Variants in ZNF718 observed in about 807,000 individuals in gnomAD.
The protein encoded by ZNF718 is zinc finger protein 718.
A neutral mutation model predicts 2.6 loss-of-function variants in ZNF718; 3 were observed. The ratio of observed to expected loss-of-function variants is 1.16; its 90% CI spans 0.53 to 3.01. ZNF718 has a LOEUF of 3.01. Ranked by LOEUF, ZNF718 falls within the 30% of genes most tolerant of loss-of-function variation. ZNF718 has a pLI of 0.03. For synonymous variants in ZNF718, 135 were observed against 77.9 expected, an observed-to-expected ratio of 1.73 and a Z score of -3.86; for missense variants, 468 against 230.0, an observed-to-expected ratio of 2.03 and a Z score of -6.69.
chr4:126,040 T>C (rs1325563375), intron 1 of ZNF718, among the ~76,000 whole-genome samples: 1 of 152,212 alleles, frequency 6.6e-6, no homozygotes, highest in Non-Finnish European at 1.5e-5. Flanking sequence ...CCTGTACCTG[T>C]AGCACAAACC....
rs1287909849 is a variant in ZNF718 at position 130,233 on chromosome 4, A to G, written c.4-555A>G. Among the ~76,000 whole-genome samples, 4 of 103,994 alleles carry G rather than the reference A, an allele frequency of 3.8e-5. 2 individuals are homozygous for G. Among genetic ancestry groups the G allele is most frequent in the African/African-American group, 6.7e-5 (2 of 29,922 alleles). 68.2% of individuals were successfully genotyped at this position (103,994 alleles called of 152,430 possible). A position where few individuals can be genotyped will look rare whatever the true frequency, so the allele number is the denominator to read the frequency against. On this transcript the variant is annotated intron_variant, in intron 1 of 3. Transcript: ENST00000510175. ...GACTTGCAATAACAGGAGACTTGCAATAAGAAGCTAATTCATGGACCCTTT... is the reference window on the plus strand; with the variant it reads ...GACTTGCAATAACAGGAGACTTGCAGTAAGAAGCTAATTCATGGACCCTTT...
intron 3 of ZNF718, among the ~76,000 whole-genome samples, chr4:196,268 A>ACTTGGGGCC (rs782047873): frequency 6.6e-6 from 1 of 152,094 alleles, no homozygotes; most frequent in African/African-American, 2.4e-5. Flanking sequence ...CCATTTACAA[A>ACTTGGGGCC]CTTGGGGCCC....
At chr4:146,428 A>G (rs1260447401) in intron 3 of ZNF718, among the ~76,000 whole-genome samples, 3 of 152,070 alleles carry the variant, frequency 2.0e-5, no homozygotes, top group Admixed American at 6.5e-5. Context: ...CCCTTATATG[A>G]GAAGAATCTC....
chr4:144,184 G>A (rs1322310557), intron 3 of ZNF718, among the ~76,000 whole-genome samples: 1 of 152,184 alleles, frequency 6.6e-6, no homozygotes, highest in African/African-American at 2.4e-5. Flanking sequence ...CTATGCTCGG[G>A]CCCGCACTGT....
chr4:179,620 G>C (rs374680185), intron 3 of ZNF718, among the ~76,000 whole-genome samples: 1 of 152,166 alleles, frequency 6.6e-6, no homozygotes, highest in Non-Finnish European at 1.5e-5. Context: ...CCTGTCTCTG[G>C]ACTCCTGCAC....
At chr4:146,819 A>AT (rs1193832383) in intron 3 of ZNF718, among the ~76,000 whole-genome samples, 1 of 150,728 alleles carries the variant, frequency 6.6e-6, no homozygotes, top group Non-Finnish European at 1.5e-5. Context: ...TTTCTCTTAA[A>AT]TTTTTCAGTT....
chr4:187,443 T>C (rs781833864), intron 3 of ZNF718, among the ~76,000 whole-genome samples: 18 of 152,120 alleles, frequency 1.2e-4, no homozygotes, highest in Non-Finnish European at 2.4e-4. Flanking sequence ...GCCAGACTGG[T>C]CTCGAACTCC....
At chr4:182,404 ATATTTATTTATTTATT>A (rs74441689) in intron 3 of ZNF718, among the ~76,000 whole-genome samples, 35,437 of 147,702 alleles carry the variant, frequency 0.24, 4,500 homozygotes, top group Non-Finnish European at 0.28. Flanking sequence ...ATTTTGATTT[ATATTTATTTATTTATT>A]TATTTATTTA....
At chr4:173,233 C>T (rs527352237) in intron 3 of ZNF718, among the ~76,000 whole-genome samples, 1 of 152,060 alleles carries the variant, frequency 6.6e-6, no homozygotes, top group South Asian at 2.1e-4. Flanking sequence ...TAAACTAAAC[C>T]TGTAGTCAGC....
At chr4:180,849 C>T (rs368749070) in intron 3 of ZNF718, among the ~76,000 whole-genome samples, 26 of 152,136 alleles carry the variant, frequency 1.7e-4, no homozygotes, top group African/African-American at 5.3e-4. Flanking sequence ...ATGCTTTATT[C>T]GTGTTGCATT....
At chr4:147,387 A>T (rs554341529) in intron 3 of ZNF718, among the ~76,000 whole-genome samples, 2 of 152,082 alleles carry the variant, frequency 1.3e-5, no homozygotes, top group Non-Finnish European at 2.9e-5. Context: ...GGGGAGGTAA[A>T]TATCTTCTTC....
At chr4:165,723 CG>C (rs1174060057), downstream of ZNF718, among the ~76,000 whole-genome samples, 1 of 152,130 alleles carries the variant, frequency 6.6e-6, no homozygotes, top group East Asian at 1.9e-4. Context: ...TGCTTGAACC[CG>C]GGAGGTGGAG....
At chr4:139,210 C>T (rs1215463134) in intron 3 of ZNF718, among the ~76,000 whole-genome samples, 2 of 152,108 alleles carry the variant, frequency 1.3e-5, no homozygotes, top group Non-Finnish European at 2.9e-5. Context: ...GTTTAATTTC[C>T]TGGAGAGTTT....
intron 3 of ZNF718, among the ~76,000 whole-genome samples, chr4:192,376 C>T (rs1717709517): frequency 1.3e-5 from 2 of 152,240 alleles, no homozygotes; most frequent in African/African-American, 4.8e-5. Flanking sequence ...ATTTCTTTAC[C>T]TCTTGCTTTT....
intron 3 of ZNF718, among the ~76,000 whole-genome samples, chr4:143,951 C>G (rs1553810717): frequency 6.6e-6 from 1 of 152,118 alleles, no homozygotes; most frequent in Non-Finnish European, 1.5e-5. Flanking sequence ...GGGATCACAT[C>G]TCTCGGGGGA....
At chr4:151,805 GAAAAGA>G (rs1450330463) in intron 3 of ZNF718, among the ~76,000 whole-genome samples, 9 of 151,364 alleles carry the variant, frequency 5.9e-5, no homozygotes, top group Non-Finnish European at 1.2e-4. Flanking sequence ...GAGAGATTTG[GAAAAGA>G]AAAAGACACA....
intron 3 of ZNF718, among the ~76,000 whole-genome samples, chr4:147,871 GA>G (rs1199276734): frequency 7.2e-5 from 11 of 151,850 alleles, no homozygotes; most frequent in South Asian, 6.2e-4. Context: ...CCATCTCCAG[GA>G]AAAAAAACCC....
At chr4:168,192 G>A (rs2108808637), downstream of ZNF718, among the ~76,000 whole-genome samples, 1 of 152,280 alleles carries the variant, frequency 6.6e-6, no homozygotes, top group African/African-American at 2.4e-5. Context: ...GCATCCCAGG[G>A]ATGAAGCCCA....
At chr4:164,918 T>C (rs1417374797), downstream of ZNF718, among the ~76,000 whole-genome samples, 1 of 152,168 alleles carries the variant, frequency 6.6e-6, no homozygotes, top group Non-Finnish European at 1.5e-5. Flanking sequence ...CTGGAGTTTA[T>C]TTGTAGGTCC....
Sources: allele counts gnomAD v4.1 joint callset (sites outside exome capture counted in the v4.1 genomes callset), GRCh38; gene constraint gnomAD v4.1.1; transcripts MANE v1.5; gene names NCBI Gene and HGNC (gene_info 2026-07-23, HGNC 2026-07-21).